PRPF39: variants seen among roughly 807,000 people sequenced by gnomAD.
PRPF39 encodes pre-mRNA-processing factor 39.
Under a neutral mutation model 82.1 loss-of-function variants are expected in PRPF39, and 27 were observed. The observed-to-expected ratio is 0.33, with a 90% confidence interval of 0.24 to 0.45. The LOEUF (loss-of-function observed/expected upper bound fraction) is 0.45. PRPF39 is among the 20% of genes least tolerant of loss of function. The pLI is 1.00. For synonymous variants in PRPF39, 261 were observed against 256.4 expected, an observed-to-expected ratio of 1.02 and a Z score of -0.17; for missense variants, 581 against 796.9, an observed-to-expected ratio of 0.73 and a Z score of 3.26.
intron 7 of PRPF39, 36 bp downstream of exon 7, chr14:45,108,558 C>A (rs772881190): frequency 6.4e-7 from 1 of 1,556,816 alleles, no homozygotes. Context: ...CTTTAAAATA[C>A]AAAGTAGGAA....
At chr14:45,088,933 A>C (rs190959678) in intron 1 of PRPF39, among the ~76,000 whole-genome samples, 1 of 152,354 alleles carries the variant, frequency 6.6e-6, no homozygotes, top group African/African-American at 2.4e-5. Flanking sequence ...AGAAAGGTTC[A>C]AGAAACTGGT....
chr14:45,112,219 T>C, intron 10 of PRPF39, 99 bp from the exon 11 acceptor site: 1 of 1,051,254 alleles, frequency 9.5e-7, no homozygotes, highest in Non-Finnish European at 1.3e-6. Context: ...CAATTTTCAA[T>C]ATTTTTTCAA....
chr14:45,114,438 G>A (rs1009006014), intron 12 of PRPF39, 56 bp from the exon 13 acceptor site: 22 of 1,492,146 alleles, frequency 1.5e-5, no homozygotes, highest in African/African-American at 1.4e-4. Flanking sequence ...TCATCTATTC[G>A]TTAAAGTTCT....
chr14:45,099,542 T>C (rs1246039738), intron 4 of PRPF39, among the ~76,000 whole-genome samples: 1 of 152,088 alleles, frequency 6.6e-6, no homozygotes, highest in East Asian at 1.9e-4. Flanking sequence ...CCTCCTGGGT[T>C]CACGCCATTC....
intron 4 of PRPF39, among the ~76,000 whole-genome samples, chr14:45,099,741 G>T (rs922126812): frequency 2.6e-5 from 4 of 152,154 alleles, no homozygotes; most frequent in African/African-American, 9.7e-5. Flanking sequence ...ACCACGCCCG[G>T]CCCAGATTCT....
At chr14:45,113,622 G>A (rs757779975) in intron 11 of PRPF39, among the ~76,000 whole-genome samples, 58 of 152,192 alleles carry the variant, frequency 3.8e-4, no homozygotes, top group Non-Finnish European at 6.9e-4. Context: ...GGAAGTAAGT[G>A]TATGAGGTAG....
chr14:45,095,017 A>G (rs1047913628), intron 1 of PRPF39, among the ~76,000 whole-genome samples: 1 of 152,244 alleles, frequency 6.6e-6, no homozygotes, highest in South Asian at 2.1e-4. Context: ...AATACCAACA[A>G]CAAAATGGCA....
intron 5 of PRPF39, among the ~76,000 whole-genome samples, chr14:45,106,437 T>G (rs1210031672): frequency 6.6e-6 from 1 of 152,204 alleles, no homozygotes; most frequent in East Asian, 1.9e-4. Context: ...TATTTGAGGT[T>G]CCAAAGGTAT....
At chr14:45,084,577 C>T (rs1377989892) in intron 1 of PRPF39, among the ~76,000 whole-genome samples, 1 of 152,140 alleles carries the variant, frequency 6.6e-6, no homozygotes, top group Admixed American at 6.6e-5. Context: ...GGAGCTGGAA[C>T]ACGGCTGGGG....
At chr14:45,099,588 G>T (rs1173386531) in intron 4 of PRPF39, among the ~76,000 whole-genome samples, 5 of 152,054 alleles carry the variant, frequency 3.3e-5, no homozygotes, top group African/African-American at 1.2e-4. Context: ...GGGACTACAG[G>T]CACCTGCCAC....
At chr14:45,112,623 C>A in intron 11 of PRPF39, 121 bp downstream of exon 11, 1 of 1,033,292 alleles carries the variant, frequency 9.7e-7, no homozygotes, top group Non-Finnish European at 1.3e-6. Context: ...GCTTAGTTTA[C>A]TTTTTCCTCA....
intron 10 of PRPF39, among the ~76,000 whole-genome samples, chr14:45,111,691 T>G (rs1463042653): frequency 2.2e-5 from 3 of 136,024 alleles, no homozygotes; most frequent in African/African-American, 8.5e-5. Context: ...GAGGCTGGAG[T>G]GCAGTAGCGT....
At chr14:45,109,953 T>C in intron 8 of PRPF39, 141 bp from the exon 9 acceptor site, 2 of 1,544,980 alleles carry the variant, frequency 1.3e-6, no homozygotes, top group Non-Finnish European at 1.7e-6. Context: ...TTGCCTCTCT[T>C]CGTCCTTCCT....
intron 4 of PRPF39, among the ~76,000 whole-genome samples, chr14:45,099,046 C>G (rs1385260610): frequency 6.6e-6 from 1 of 152,208 alleles, no homozygotes; most frequent in Non-Finnish European, 1.5e-5. Flanking sequence ...CAATACCATT[C>G]TTGCAGAATA....
chr14:45,110,628 A>C lies in PRPF39; in HGVS notation c.1383A>C (p.Arg461Ser). ...GATTGGCAATGGTTCGTTTACGAAG[A>C]GTAAGTTTAGAACGACGGCATGGAA... ...VLGLAMVRLR[R>S]VSLERRHGNL... The change falls in exon 10 of 14, where the codon AGA becomes AGC. Residue 461 changes from arginine (R) to serine (S), a missense_variant. By Grantham distance (110) the Arg-to-Ser change is moderately radical (BLOSUM62 -1). Transcript: ENST00000355765. The surrounding 1 kb of genome is among the most constrained non-coding windows in gnomAD (Gnocchi z 4.0). 1 of 1,575,388 alleles carries C rather than the reference A, an allele frequency of 6.3e-7. No individual in the cohort carries two copies. The highest frequency in any genetic ancestry group is 8.6e-7 in the Non-Finnish European group (1 of 1,158,954).
In PRPF39 at chr14:45,110,672, A is replaced by G. The variant is rs201073023; in HGVS notation, c.1427A>G (p.His476Arg). ...CATGGAAATCTGGAAGAAGCTGAAC[A>G]TTTGCTTCAGGATGCCATTAAGAAT... ...RRHGNLEEAE[H>R]LLQDAIKNAK... Residue 476 changes from histidine to arginine, a missense_variant, in exon 10 of 14, where the codon CAT (histidine) becomes CGT (arginine). By Grantham distance (29) the His-to-Arg change is conservative. Transcript: ENST00000355765. The surrounding 1 kb of genome is among the most constrained non-coding windows in gnomAD (Gnocchi z 4.0). The G allele has an allele frequency of 1.2e-4, 192 of 1,576,672 alleles. 3 individuals carry two copies. In the Middle Eastern group the frequency reaches 0.011, roughly 91 times the overall value.
rs1183040703 is a variant in PRPF39 at position 45,107,630 on chromosome 14, T to C, written c.903+14T>C. 4 of 1,549,032 alleles carry C rather than the reference T, an allele frequency of 2.6e-6. No individual in the cohort carries two copies. The highest frequency in any genetic ancestry group is 3.5e-6 in the Non-Finnish European group (4 of 1,144,800). On this transcript the variant is annotated intron_variant, in intron 6 of 13. Transcript: ENST00000355765. ...GATCCTGCAAAGGTAACCAGTCTTATTCTAAAGTTCGTCAGTGGCCAGGTA... is the reference window on the plus strand; with the variant it reads ...GATCCTGCAAAGGTAACCAGTCTTACTCTAAAGTTCGTCAGTGGCCAGGTA...
At chr14:45,107,745 A>C (rs769809862) in intron 6 of PRPF39, 129 bp downstream of exon 6, 3 of 859,120 alleles carry the variant, frequency 3.5e-6, no homozygotes, top group African/African-American at 3.4e-5. Context: ...TGTAGGCAAC[A>C]TGGTGAAACC....
At chr14:45,109,955 GTCCT>G (rs1884652351) in intron 8 of PRPF39, 135 bp from the exon 9 acceptor site, 1 of 1,546,320 alleles carries the variant, frequency 6.5e-7, no homozygotes, top group South Asian at 1.3e-5. Context: ...GCCTCTCTTC[GTCCT>G]TCCTTACAGA....
Sources: gnomAD v4.1 joint callset for allele counts (sites outside exome capture counted in the v4.1 genomes callset) on GRCh38, gnomAD v4.1.1 for gene constraint, Gnocchi (gnomAD v3.1) non-coding constraint, MANE v1.5 for transcripts, NCBI Gene and HGNC (gene_info 2026-07-23, HGNC 2026-07-21) for gene names.